The following AGO4 variants were observed in gnomAD, a reference collection of about 807,000 sequenced individuals.
AGO4 encodes the protein protein argonaute-4.
Under a neutral mutation model 104.7 loss-of-function variants are expected in AGO4, and 33 were observed. The ratio of observed to expected loss-of-function variants is 0.32; its 90% CI spans 0.24 to 0.42. The LOEUF (loss-of-function observed/expected upper bound fraction) is 0.42, where lower values mean the gene tolerates loss of function less well. Ranked by LOEUF, AGO4 falls within the 10% of genes least tolerant of loss-of-function variation. The pLI is 1.00. For synonymous variants in AGO4, 331 were observed against 364.7 expected, an observed-to-expected ratio of 0.91 and a Z score of 1.05; for missense variants, 711 against 1,083.4, an observed-to-expected ratio of 0.66 and a Z score of 4.83.
intron 1 of AGO4, among the ~76,000 whole-genome samples, chr1:35,810,618 T>C (rs537664939): frequency 6.6e-6 from 1 of 152,312 alleles, no homozygotes; most frequent in East Asian, 1.9e-4. Flanking sequence ...CAGGTAGTTA[T>C]TCCATTTTAC....
chr1:35,815,347 C>T (rs1277284451), intron 1 of AGO4, among the ~76,000 whole-genome samples: 2 of 152,184 alleles, frequency 1.3e-5, no homozygotes, highest in Non-Finnish European at 2.9e-5. Flanking sequence ...CCAGTATCCA[C>T]TTGATATTGT....
Position 35,825,343 on chromosome 1 carries a change from G to A in AGO4, c.337G>A (p.Gly113Ser). Residue 113 changes from glycine (G) to serine (S), a missense_variant, in exon 4 of 18, where the codon GGT becomes AGT. Coordinates refer to ENST00000373210, the MANE Select transcript of AGO4 (RefSeq NM_017629.4). Reference sequence around the variant, plus strand: ...TATGGAGGTGACTCTTCCAGGCGAGGGTAAAGACCAAACATTTAAAGTGTC... The same window carrying A: ...TATGGAGGTGACTCTTCCAGGCGAGAGTAAAGACCAAACATTTAAAGTGTC... Reference protein sequence around the residue: ...VDMEVTLPGEGKDQTFKVSVQ... With the variant: ...VDMEVTLPGESKDQTFKVSVQ... 8 of 1,614,084 alleles carry A rather than the reference G, an allele frequency of 5.0e-6. No individual in the cohort carries two copies. Among genetic ancestry groups the A allele is most frequent in the Non-Finnish European group, 6.8e-6 (8 of 1,180,010 alleles).
At chr1:35,834,809 TCTCAGGCTCTCGAGTAG>T (rs1644267062) in intron 12 of AGO4, among the ~76,000 whole-genome samples, 2 of 151,796 alleles carry the variant, frequency 1.3e-5, no homozygotes, top group Non-Finnish European at 2.9e-5. Flanking sequence ...GATTCTCCCG[TCTCAGGCTCTCGAGTAG>T]CTGGGAATAC....
chr1:35,832,036 G>A lies in AGO4; in HGVS notation c.1117-21G>A, dbSNP rs1432221592. ...CAGTTACTCTCTGGTTTTTATATAT[G>A]CAGGCTTTCCTGTTCTTTAGGTGAA... On this transcript the variant is annotated intron_variant, in intron 9 of 17. Coordinates refer to ENST00000373210, the MANE Select transcript of AGO4 (RefSeq NM_017629.4). 7 of 1,606,788 alleles carry A rather than the reference G, an allele frequency of 4.4e-6. No individual in the cohort carries two copies. The East Asian group carries it at 6.7e-5, about 15-fold the overall frequency.
In AGO4 at chr1:35,850,841, A is replaced by G; in HGVS notation, c.2278-13A>G. On this transcript the variant is annotated splice_polypyrimidine_tract_variant and intron_variant, in intron 16 of 17. Coordinates refer to ENST00000373210, the MANE Select transcript of AGO4 (RefSeq NM_017629.4). ...ACAAAAAAAAAACATTAATCATAAA[A>G]CTCTCTCCTCAGGGAACCAGCCGTC... 1 of 1,591,346 alleles carries G rather than the reference A, an allele frequency of 6.3e-7. No homozygotes were observed. The highest frequency in any genetic ancestry group is 2.2e-5 in the East Asian group (1 of 44,704).
intron 1 of AGO4, among the ~76,000 whole-genome samples, chr1:35,811,746 G>A (rs187417229): frequency 2.2e-4 from 34 of 151,958 alleles, no homozygotes; most frequent in African/African-American, 7.5e-4. Context: ...GGGATTACAG[G>A]CACCCACCAC....
intron 15 of AGO4, among the ~76,000 whole-genome samples, chr1:35,846,074 G>A (rs1037112952): frequency 5.3e-5 from 8 of 152,170 alleles, no homozygotes; most frequent in African/African-American, 1.9e-4. Context: ...CCAGGCAGGG[G>A]CATGGGAATG....
At chr1:35,826,650 C>G (rs1032081479) in intron 6 of AGO4, 98 bp from the exon 7 acceptor site, 2 of 1,081,102 alleles carry the variant, frequency 1.8e-6, no homozygotes, top group Non-Finnish European at 2.8e-6. Context: ...AATTTTTATC[C>G]TGTACAATGT....
At chr1:35,831,603 CT>C (rs1447603285) in intron 8 of AGO4, 29 bp downstream of exon 8, 1 of 1,606,074 alleles carries the variant, frequency 6.2e-7, no homozygotes, top group Non-Finnish European at 8.5e-7. Flanking sequence ...TGCCAATTTG[CT>C]GATCTCTTGA....
chr1:35,854,556 A>G lies in AGO4; in HGVS notation c.*951A>G, dbSNP rs1317354211. 3 of 152,682 alleles carry G rather than the reference A, an allele frequency of 2.0e-5. No individual in the cohort carries two copies. In the South Asian group the frequency reaches 6.2e-4, roughly 32 times the overall value. The allele number at this position is 152,682 out of a possible 1,614,324, so 9.5% of individuals were successfully genotyped here. On this transcript the variant is annotated 3_prime_UTR_variant, in exon 18 of 18. Transcript: ENST00000373210. The stretch of plus-strand genomic sequence containing the variant: ...AATGTAGTTTTCTAGATGAGATTTC[A>G]GTATGATTTTATCAGCTATTTCTTA...
At position 35,831,418 on chromosome 1, in the gene AGO4, C is replaced by T. The variant is rs745928086; in HGVS notation, c.849-9C>T. The stretch of plus-strand genomic sequence containing the variant: ...AGAAATATTCTAAAAAAGACATTCT[C>T]TCCTATAGTTTTCCTTTGCAGCTAG... On this transcript the variant is annotated splice_polypyrimidine_tract_variant and intron_variant, in intron 7 of 17. Transcript: ENST00000373210. 6 of 1,594,950 alleles carry T rather than the reference C, an allele frequency of 3.8e-6. No individual in the cohort carries two copies. In the African/African-American group the frequency reaches 5.4e-5, roughly 14 times the overall value.
intron 17 of AGO4, among the ~76,000 whole-genome samples, chr1:35,851,841 C>T (rs1458660413): frequency 6.6e-6 from 1 of 152,106 alleles, no homozygotes; most frequent in Admixed American, 6.5e-5. Context: ...TAGTACTGTG[C>T]TAGGTGCTAG....
chr1:35,835,991 A>C lies in AGO4; in HGVS notation c.1722A>C (p.Gln574His), dbSNP rs1175582820. The C allele has an allele frequency of 1.2e-6, 2 of 1,610,998 alleles. No individual in the cohort carries two copies. The highest frequency in any genetic ancestry group is 1.3e-5 in the African/African-American group (1 of 74,786). The change falls in exon 13 of 18, where the codon CAA becomes CAC. Residue 574 changes from glutamine (Q) to histidine (H), a missense_variant and splice_region_variant. Physicochemically the swap from Gln to His is conservative, Grantham distance 24. This residue lies in a region of AGO4 where 401 missense variants were observed against 665.5 expected (regional missense o/e 0.60). Transcript: ENST00000373210. ...TTAACAATGTGCTTGTGCCTCATCA[A>C]AGGTAAGATTCTGAATGCTTTCCCC... ...GGINNVLVPH[Q>H]RPSVFQQPVI...
At chr1:35,813,902 C>T (rs1424560032) in intron 1 of AGO4, among the ~76,000 whole-genome samples, 2 of 151,596 alleles carry the variant, frequency 1.3e-5, no homozygotes, top group Admixed American at 6.6e-5. Context: ...AGTGAAACCC[C>T]GTCTCTACTA....
chr1:35,812,344 T>A (rs1643536683), intron 1 of AGO4, among the ~76,000 whole-genome samples: 1 of 152,218 alleles, frequency 6.6e-6, no homozygotes. Context: ...TAATATTTAC[T>A]TTTTGCCACT....
At position 35,829,957 on chromosome 1, in the gene AGO4, C is replaced by T. The variant is rs1410966063; in HGVS notation, c.849-1470C>T. Among the ~76,000 whole-genome samples, 9 of 149,874 alleles carry T rather than the reference C, an allele frequency of 6.0e-5. 1 individual carries two copies. The highest frequency in any genetic ancestry group is 2.2e-4 in the African/African-American group (9 of 40,652). On this transcript the variant is annotated intron_variant, in intron 7 of 17. Coordinates refer to ENST00000373210, the MANE Select transcript of AGO4 (RefSeq NM_017629.4). The stretch of plus-strand genomic sequence containing the variant: ...AGAGGATTCCTTGAGCCCAGGAGTT[C>T]GAGACCAGCCTGGGCAATGTGGCAA...
chr1:35,856,994 T>C lies in AGO4; in HGVS notation c.*3389T>C, dbSNP rs1019121377. 2.0e-5 allele frequency: 3 copies of C among 152,210 alleles called. No individual in the cohort carries two copies. The highest frequency in any genetic ancestry group is 7.2e-5 in the African/African-American group (3 of 41,450). The allele number at this position is 152,210 out of a possible 1,614,324, so 9.4% of individuals were successfully genotyped here. On this transcript the variant is annotated 3_prime_UTR_variant, in exon 18 of 18. Coordinates refer to ENST00000373210, the MANE Select transcript of AGO4 (RefSeq NM_017629.4). ...CAGCAGAACATATTCATTCTTACTG[T>C]AAATTCTATTTGCTGCTTCCAAAGG...
intron 2 of AGO4, among the ~76,000 whole-genome samples, chr1:35,817,850 G>A (rs969241091): frequency 2.0e-5 from 3 of 152,158 alleles, no homozygotes; most frequent in Non-Finnish European, 4.4e-5. Context: ...TTGTGTAACT[G>A]AGATCAATAG....
intron 15 of AGO4, among the ~76,000 whole-genome samples, chr1:35,847,509 C>T (rs919835508): frequency 4.3e-4 from 66 of 152,300 alleles, no homozygotes; most frequent in African/African-American, 1.5e-3. Context: ...GCTGGGATTA[C>T]AGGCATGAAA....
Sources: allele counts gnomAD v4.1 joint callset (sites outside exome capture counted in the v4.1 genomes callset), GRCh38; gene constraint gnomAD v4.1.1; regional missense constraint gnomAD v4.1.1; transcripts MANE v1.5; gene names NCBI Gene and HGNC (gene_info 2026-07-23, HGNC 2026-07-21).